TMPRSS9: variants seen among roughly 807,000 people sequenced by gnomAD.
TMPRSS9 encodes the protein transmembrane serine protease 9.
Under a neutral mutation model 111.4 loss-of-function variants are expected in TMPRSS9, and 113 were observed. That is an observed-to-expected ratio of 1.01 (90% CI 0.87 to 1.19). The LOEUF (loss-of-function observed/expected upper bound fraction) is 1.19, where lower values mean the gene tolerates loss of function less well. TMPRSS9 is among the 50% of genes most tolerant of loss of function. TMPRSS9 has a pLI of 0.00. For synonymous variants in TMPRSS9, 805 were observed against 659.1 expected, an observed-to-expected ratio of 1.22 and a Z score of -3.39; for missense variants, 1,803 against 1,513.1, an observed-to-expected ratio of 1.19 and a Z score of -3.18.
chr19:2,398,703 C>T, intron 2 of TMPRSS9, 92 bp from the exon 4 acceptor site: 1 of 846,052 alleles, frequency 1.2e-6, no homozygotes, highest in East Asian at 5.5e-5. Flanking sequence ...CCAACCCCTT[C>T]TCCAGCTCCC....
At chr19:2,401,290 C>G (rs1278603208) in intron 4 of TMPRSS9, among the ~76,000 whole-genome samples, 3 of 151,958 alleles carry the variant, frequency 2.0e-5, no homozygotes, top group Non-Finnish European at 2.9e-5. Context: ...AAAAAGTCAC[C>G]TTGACCTTGA....
exon 7 of TMPRSS9, chr19:2,405,430 G>C: frequency 4.4e-6 from 7 of 1,607,922 alleles, no homozygotes; most frequent in Non-Finnish European, 5.9e-6. Context: ...CGGCATGGAA[G>C]CATCCCCGGG....
In TMPRSS9 at chr19:2,417,995, C is replaced by T; in HGVS notation, c.2018-7C>T. 6.2e-7 allele frequency: 1 copy of T among 1,611,822 alleles called. No individual in the cohort carries two copies. Among genetic ancestry groups the T allele is most frequent in the East Asian group, 2.2e-5 (1 of 44,874 alleles). ...GCACGTGGCCTTTCTGGCTCTTTCC[C>T]TGGTAGCCACCAAGCCCGAGCTCCT... On this transcript the variant is annotated splice_polypyrimidine_tract_variant and splice_region_variant and intron_variant, in intron 12 of 17. Transcript: ENST00000648592.
exon 10 of TMPRSS9, chr19:2,413,702 T>C (rs755279888): frequency 6.2e-7 from 1 of 1,600,206 alleles, no homozygotes; most frequent in East Asian, 2.3e-5. Context: ...TTTCCTAGGG[T>C]GACTCAGGAG....
In TMPRSS9 at chr19:2,374,750, A is replaced by G. The variant is rs1487287323; in HGVS notation, c.-26+14390A>G. 2.0e-5 allele frequency among the ~76,000 whole-genome samples: 3 copies of G among 151,714 alleles called. No individual in the cohort carries two copies. The East Asian group carries it at 5.8e-4, about 29-fold the overall frequency. On this transcript the variant is annotated intron_variant, in intron 1 of 17. Coordinates refer to the TMPRSS9 transcript ENST00000649857. ...ACCGGCTGGCTCTGGCCCCTTACCCACGAGCCTCTGTGGCCTTGGTGAGGT... is the reference window on the plus strand; with the variant it reads ...ACCGGCTGGCTCTGGCCCCTTACCCGCGAGCCTCTGTGGCCTTGGTGAGGT...
At chr19:2,395,797 G>C (rs1568177607) in intron 1 of TMPRSS9, among the ~76,000 whole-genome samples, 1 of 152,168 alleles carries the variant, frequency 6.6e-6, no homozygotes, top group Non-Finnish European at 1.5e-5. Flanking sequence ...CACGAGGTCA[G>C]GAGATAGAGA....
chr19:2,383,367 G>A (rs1440103208), intron 1 of TMPRSS9, among the ~76,000 whole-genome samples: 1 of 150,574 alleles, frequency 6.6e-6, no homozygotes, highest in Non-Finnish European at 1.5e-5. Context: ...AAAAAAAGGA[G>A]AAGTTAATTG....
intron 1 of TMPRSS9, among the ~76,000 whole-genome samples, chr19:2,360,644 G>A (rs1970186969): frequency 6.6e-6 from 1 of 151,930 alleles, no homozygotes; most frequent in South Asian, 2.1e-4. Context: ...GGCCGGGGTT[G>A]TGTGGACGCA....
chr19:2,373,738 G>T (rs748939571), intron 1 of TMPRSS9, among the ~76,000 whole-genome samples: 19 of 152,282 alleles, frequency 1.2e-4, no homozygotes, highest in Admixed American at 5.2e-4. Flanking sequence ...GGCCTCAAGC[G>T]ATCCACCCGC....
chr19:2,396,254 A>G, intron 1 of TMPRSS9: 1 of 328,264 alleles, frequency 3.0e-6, no homozygotes, highest in Non-Finnish European at 5.5e-6. Flanking sequence ...ACACGGGGGC[A>G]TCTGGGGCTC....
Position 2,410,716 on chromosome 19 carries a change from C to G in TMPRSS9, c.1254+322C>G, listed in dbSNP as rs147040409. Reference sequence around the variant, plus strand: ...TCCAGTGGGCCCCAGGTGCGTGCCACAGAGCCTGGGGTCCCTGAGTAATCT... The same window carrying G: ...TCCAGTGGGCCCCAGGTGCGTGCCAGAGAGCCTGGGGTCCCTGAGTAATCT... On this transcript the variant is annotated intron_variant, in intron 9 of 17. Coordinates refer to ENST00000648592, the Ensembl canonical transcript of TMPRSS9. 3.5e-4 allele frequency among the ~76,000 whole-genome samples: 53 copies of G among 152,224 alleles called. 1 individual carries two copies. The highest frequency in any genetic ancestry group is 1.2e-3 in the African/African-American group (49 of 41,546).
chr19:2,417,903 G>T, intron 12 of TMPRSS9, 99 bp from the exon 14 acceptor site: 2 of 1,479,932 alleles, frequency 1.4e-6, no homozygotes, highest in Non-Finnish European at 1.8e-6. Flanking sequence ...CTTCGTCTGT[G>T]GGGTGGGGAT....
At chr19:2,380,897 G>A (rs191232540) in intron 1 of TMPRSS9, among the ~76,000 whole-genome samples, 2 of 152,182 alleles carry the variant, frequency 1.3e-5, no homozygotes, top group Admixed American at 6.6e-5. Flanking sequence ...TGTAGGATCC[G>A]TTCCTTCCAC....
intron 5 of TMPRSS9, 89 bp from the exon 7 acceptor site, chr19:2,402,993 A>C: frequency 1.1e-6 from 1 of 896,354 alleles, no homozygotes; most frequent in Non-Finnish European, 1.8e-6. Flanking sequence ...ACATTTCCGT[A>C]CCCTGGTGGT....
At chr19:2,408,258 G>C in intron 7 of TMPRSS9, 98 bp from the exon 9 acceptor site, 1 of 1,174,610 alleles carries the variant, frequency 8.5e-7, no homozygotes, top group Middle Eastern at 2.9e-4. Flanking sequence ...AATGTGGGGG[G>C]ATACCCCTTA....
At chr19:2,423,582 C>A (rs1326581803) in intron 14 of TMPRSS9, among the ~76,000 whole-genome samples, 2 of 152,090 alleles carry the variant, frequency 1.3e-5, no homozygotes, top group Admixed American at 1.3e-4. Context: ...ATGGGACCCC[C>A]TCCATGGGTG....
At chr19:2,371,236 C>T (rs891884646) in intron 1 of TMPRSS9, among the ~76,000 whole-genome samples, 3 of 152,186 alleles carry the variant, frequency 2.0e-5, no homozygotes, top group African/African-American at 4.8e-5. Flanking sequence ...GCTATTGCCT[C>T]GTTCACAGTC....
At chr19:2,415,056 T>G (rs142463169) in intron 10 of TMPRSS9, among the ~76,000 whole-genome samples, 9,204 of 149,934 alleles carry the variant, frequency 0.061, 976 homozygotes, top group African/African-American at 0.21. Flanking sequence ...GTGATTCTCC[T>G]GCCTCAGCCT....
chr19:2,403,473 A>G (rs1970899004), intron 6 of TMPRSS9, among the ~76,000 whole-genome samples: 1 of 152,054 alleles, frequency 6.6e-6, no homozygotes, highest in Non-Finnish European at 1.5e-5. Flanking sequence ...CAGCCTGGGA[A>G]GTGTTGAATA....
Sources: allele counts gnomAD v4.1 joint callset (sites outside exome capture counted in the v4.1 genomes callset), GRCh38; gene constraint gnomAD v4.1.1; transcripts MANE v1.5; gene names NCBI Gene and HGNC (gene_info 2026-07-23, HGNC 2026-07-21).